The following ELOVL7 variants were observed in gnomAD, a reference collection of about 807,000 sequenced individuals.
The protein encoded by ELOVL7 is very long chain fatty acid elongase 7.
ELOVL7 carries 27 observed loss-of-function variants against 35.7 expected under a neutral mutation model. The ratio of observed to expected loss-of-function variants is 0.76; its 90% CI spans 0.56 to 1.04. The LOEUF is 1.04. Among genes scored for constraint, ELOVL7 ranks in the 50% least tolerant of loss-of-function variants. ELOVL7 has a pLI of 0.00. For missense variants in ELOVL7, 327 were observed against 340.8 expected, an observed-to-expected ratio of 0.96 and a Z score of 0.32; for synonymous variants, 113 against 114.6, an observed-to-expected ratio of 0.99 and a Z score of 0.09.
In ELOVL7 at chr5:60,767,896, A is replaced by T; in HGVS notation, c.263T>A (p.Met88Lys). 6.2e-7 allele frequency: 1 copy of T among 1,613,660 alleles called. No homozygotes were observed. Among genetic ancestry groups the T allele is most frequent in the Non-Finnish European group, 8.5e-7 (1 of 1,179,580 alleles). Residue 88 changes from methionine (M) to lysine (K), a missense_variant, in exon 5 of 9, where the codon ATG becomes AAG. By Grantham distance (95) the Met-to-Lys change is moderately conservative (BLOSUM62 -1). Transcript: ENST00000508821. ...TGAATAACCTATACCCCAGCCAGAC[A>T]TCACAAACTGCAAGAGAGCACATGC... ...FSVYMCYEFVMSGWGIGYSFR... is the reference protein window; with the variant it reads ...FSVYMCYEFVKSGWGIGYSFR...
chr5:60,822,982 CA>C, intron 1 of ELOVL7, among the ~76,000 whole-genome samples: 1 of 152,200 alleles, frequency 6.6e-6, no homozygotes, highest in South Asian at 2.1e-4. Flanking sequence ...AGGCTGAAGC[CA>C]AAATGCAAAG....
At chr5:60,811,224 C>A (rs1301970716) in intron 1 of ELOVL7, among the ~76,000 whole-genome samples, 1 of 151,970 alleles carries the variant, frequency 6.6e-6, no homozygotes, top group Non-Finnish European at 1.5e-5. Flanking sequence ...GAACTATGAA[C>A]ATTCATACCT....
rs1050788287 is a variant in ELOVL7 at position 60,753,613 on chromosome 5, A to G, written c.*1011T>C. ...AGTTGCTTCACAGCCACTCTAACTCATATCTGGAAACTGTGTACAATGGGT... is the reference window on the plus strand; with the variant it reads ...AGTTGCTTCACAGCCACTCTAACTCGTATCTGGAAACTGTGTACAATGGGT... On this transcript the variant is annotated 3_prime_UTR_variant, in exon 9 of 9. Transcript: ENST00000508821. 1 of 152,150 alleles carries G rather than the reference A, an allele frequency of 6.6e-6. No homozygotes were observed. Among genetic ancestry groups the G allele is most frequent in the Non-Finnish European group, 1.5e-5 (1 of 68,028 alleles). 9.4% of individuals were successfully genotyped at this position (152,150 alleles called of 1,614,324 possible). A position where few individuals can be genotyped will look rare whatever the true frequency, so the allele number is the denominator to read the frequency against.
chr5:60,779,730 A>G (rs1016581065), intron 3 of ELOVL7, among the ~76,000 whole-genome samples: 2 of 152,220 alleles, frequency 1.3e-5, no homozygotes, highest in African/African-American at 4.8e-5. Flanking sequence ...TTGGTGACTA[A>G]CATTCAGCTC....
chr5:60,785,945 C>T (rs1168990246), intron 3 of ELOVL7: 2 of 152,120 alleles, frequency 1.3e-5, no homozygotes, highest in African/African-American at 2.4e-5. Flanking sequence ...TTGCTGAAAT[C>T]GTTGTAAATT....
At chr5:60,762,140 G>A (rs1160570371) in intron 7 of ELOVL7, among the ~76,000 whole-genome samples, 1 of 151,788 alleles carries the variant, frequency 6.6e-6, no homozygotes, top group African/African-American at 2.4e-5. Flanking sequence ...GAAGGATTAA[G>A]GTGTGGACAA....
At chr5:60,838,577 C>G (rs981079816) in intron 1 of ELOVL7, among the ~76,000 whole-genome samples, 1 of 152,224 alleles carries the variant, frequency 6.6e-6, no homozygotes, top group Non-Finnish European at 1.5e-5. Flanking sequence ...CTAGGTTTGG[C>G]TCTTTTACCC....
At chr5:60,843,133 C>A (rs980069254) in intron 1 of ELOVL7, among the ~76,000 whole-genome samples, 1 of 151,932 alleles carries the variant, frequency 6.6e-6, no homozygotes, top group Non-Finnish European at 1.5e-5. Context: ...ACATGCTTTC[C>A]GAGGGGAGAT....
intron 1 of ELOVL7, among the ~76,000 whole-genome samples, chr5:60,800,206 T>C (rs560151449): frequency 2.0e-3 from 302 of 152,232 alleles, no homozygotes; most frequent in African/African-American, 7.0e-3. Flanking sequence ...TCAATACCCT[T>C]GATGAACATA....
intron 4 of ELOVL7, among the ~76,000 whole-genome samples, chr5:60,771,117 G>A (rs1464323343): frequency 6.6e-6 from 1 of 152,184 alleles, no homozygotes; most frequent in Non-Finnish European, 1.5e-5. Flanking sequence ...GGGCCCTCGT[G>A]AGCCCTACTT....
intron 3 of ELOVL7, among the ~76,000 whole-genome samples, chr5:60,780,711 G>C (rs998945294): frequency 1.6e-4 from 25 of 152,284 alleles, no homozygotes; most frequent in Admixed American, 1.6e-3. Flanking sequence ...ATGAGTGCCA[G>C]CAGGGGAAAT....
intron 2 of ELOVL7, among the ~76,000 whole-genome samples, chr5:60,792,654 C>T (rs1182042056): frequency 1.3e-5 from 2 of 152,046 alleles, no homozygotes; most frequent in Non-Finnish European, 2.9e-5. Flanking sequence ...ACTGCTTGAG[C>T]CTGGGCAACA....
chr5:60,758,118 C>G (rs1741657806), intron 7 of ELOVL7, among the ~76,000 whole-genome samples: 1 of 152,064 alleles, frequency 6.6e-6, no homozygotes, highest in Non-Finnish European at 1.5e-5. Flanking sequence ...GTGCTCCTTC[C>G]AAGAATATAC....
intron 4 of ELOVL7, among the ~76,000 whole-genome samples, chr5:60,768,124 T>G (rs1742355712): frequency 6.6e-6 from 1 of 152,204 alleles, no homozygotes; most frequent in South Asian, 2.1e-4. Flanking sequence ...ATATAAACTG[T>G]GCTCTGACTA....
At chr5:60,825,606 T>G (rs573515129) in intron 1 of ELOVL7, among the ~76,000 whole-genome samples, 25 of 152,274 alleles carry the variant, frequency 1.6e-4, no homozygotes, top group African/African-American at 6.0e-4. Flanking sequence ...GACACTGAAA[T>G]ATTTGTTGAA....
At chr5:60,805,468 T>C (rs1170680434) in intron 1 of ELOVL7, among the ~76,000 whole-genome samples, 1 of 152,194 alleles carries the variant, frequency 6.6e-6, no homozygotes, top group Admixed American at 6.5e-5. Context: ...TTTTTAGAGT[T>C]AGTTCTGTTG....
At position 60,754,591 on chromosome 5, in the gene ELOVL7, G is replaced by GT. The variant is rs1477613707; in HGVS notation, c.*32dup. On this transcript the variant is annotated 3_prime_UTR_variant, in exon 9 of 9. Transcript: ENST00000508821. ...TCTCTTGATTGTCAAGGAAGACAAT[G>GT]TATCAGTTTCGATCATAGACTTATG... is the stretch of plus-strand genomic sequence containing the variant. The GT allele has an allele frequency of 1.3e-6, 2 of 1,562,468 alleles. No homozygotes were observed. The highest frequency in any genetic ancestry group is 1.7e-5 in the Admixed American group (1 of 59,738).
chr5:60,757,447 A>C (rs1342021923), intron 8 of ELOVL7, 62 bp downstream of exon 8: 2 of 1,529,460 alleles, frequency 1.3e-6, no homozygotes. Flanking sequence ...ATCCTAATTC[A>C]CAGTGAAAAC....
At chr5:60,798,118 T>C (rs535982621) in intron 2 of ELOVL7, among the ~76,000 whole-genome samples, 25 of 152,264 alleles carry the variant, frequency 1.6e-4, no homozygotes, top group African/African-American at 6.0e-4. Flanking sequence ...TGTATAAAAC[T>C]AAGCTGTGCC....
Sources: allele counts gnomAD v4.1 joint callset (sites outside exome capture counted in the v4.1 genomes callset), GRCh38; gene constraint gnomAD v4.1.1; transcripts MANE v1.5; gene names NCBI Gene and HGNC (gene_info 2026-07-23, HGNC 2026-07-21).